Variants in REV1 observed in about 807,000 individuals in gnomAD.
The protein encoded by REV1 is REV1 DNA directed polymerase.
In REV1, 42 loss-of-function variants were observed where a neutral mutation model predicts 137.4. The observed-to-expected ratio is 0.31, with a 90% CI of 0.24 to 0.40. The LOEUF (loss-of-function observed/expected upper bound fraction) is 0.40. REV1 is among the 10% of genes least tolerant of loss of function. The pLI, the probability that REV1 is intolerant of heterozygous loss-of-function variation, is 1.00. For missense variants in REV1, 1,282 were observed against 1,490.1 expected, an observed-to-expected ratio of 0.86 and a Z score of 2.30; for synonymous variants, 524 against 519.2, an observed-to-expected ratio of 1.01 and a Z score of -0.12.
intron 6 of REV1, among the ~76,000 whole-genome samples, chr2:99,438,064 GCTA>G (rs1020694777): frequency 1.3e-5 from 2 of 152,140 alleles, no homozygotes; most frequent in Non-Finnish European, 2.9e-5. Context: ...AAAACAGTAT[GCTA>G]CTGTGTGTGC....
chr2:99,421,645 T>C lies in REV1; in HGVS notation c.1685A>G (p.His562Arg), dbSNP rs1678688581. Reference protein sequence around the residue: ...TLYETLASYTHNIEAVSCDEA... With the variant: ...TLYETLASYTRNIEAVSCDEA... ...ATCACAACTGACAGCTTCAATGTTA[T>C]GAGTGTAGCTATCAACACAGAGCAA... is the stretch of plus-strand genomic sequence containing the variant. The change falls in exon 11 of 23, where the codon CAT (histidine) becomes CGT (arginine). Residue 562 changes from histidine (H) to arginine (R), a missense_variant. By Grantham distance (29) the His-to-Arg change is conservative. This residue lies in a region of REV1 where 372 missense variants were observed against 482.3 expected (regional missense o/e 0.77). Transcript: ENST00000258428. 1.9e-6 allele frequency: 3 copies of C among 1,613,846 alleles called. No individual in the cohort carries two copies. Among genetic ancestry groups the C allele is most frequent in the East Asian group, 2.2e-5 (1 of 44,880 alleles).
At chr2:99,414,307 T>C (rs1677563488) in intron 12 of REV1, among the ~76,000 whole-genome samples, 1 of 152,218 alleles carries the variant, frequency 6.6e-6, no homozygotes, top group Non-Finnish European at 1.5e-5. Flanking sequence ...AAGTCATCAA[T>C]GTGGGTCAGA....
Position 99,435,904 on chromosome 2 carries a change from G to A in REV1, c.1251C>T (p.Ser417=). ...MSVLNSPRHQ[S]CIMHVDMDCF... ...AATCCATATCAACATGCATTATACA[G>A]CTCTGATGTCTGGGAGAATTCAATA... The change falls in exon 7 of 23, where the codon AGC becomes AGT. Residue 417 remains serine, a synonymous_variant. Coordinates refer to ENST00000258428, the MANE Select transcript of REV1 (RefSeq NM_016316.4). 6.2e-7 allele frequency: 1 copy of A among 1,607,264 alleles called. No individual in the cohort carries two copies. The highest frequency in any genetic ancestry group is 2.2e-5 in the East Asian group (1 of 44,678).
At chr2:99,480,046 G>A (rs1391971497) in intron 1 of REV1, among the ~76,000 whole-genome samples, 1 of 152,170 alleles carries the variant, frequency 6.6e-6, no homozygotes, top group Non-Finnish European at 1.5e-5. Flanking sequence ...AGGGCCGAGT[G>A]CAGTGGCTCA....
intron 2 of REV1, 168 bp from the exon 3 acceptor site, chr2:99,462,790 T>C: frequency 1.5e-6 from 1 of 665,782 alleles, no homozygotes. Context: ...AGGCAATAAA[T>C]AAAACAGGAA....
chr2:99,402,203 A>G (rs2104317801), intron 22 of REV1, 41 bp downstream of exon 22: 1 of 829,246 alleles, frequency 1.2e-6, no homozygotes, highest in Non-Finnish European at 2.0e-6. Flanking sequence ...CCATTGTGAC[A>G]TGCCATTTTT....
At chr2:99,446,385 A>C (rs1433569086) in intron 4 of REV1, among the ~76,000 whole-genome samples, 2 of 152,218 alleles carry the variant, frequency 1.3e-5, no homozygotes, top group African/African-American at 4.8e-5. Flanking sequence ...AAATCCATTA[A>C]AGTGAATTTT....
rs1201093766 is a variant in REV1, at chr2:99,406,371, G to C, written c.2568C>G (p.Phe856Leu). 1.9e-6 allele frequency: 3 copies of C among 1,613,396 alleles called. No individual in the cohort carries two copies. Among genetic ancestry groups the C allele is most frequent in the Non-Finnish European group, 2.5e-6 (3 of 1,179,628 alleles). The part of the protein sequence containing the change: ...PSGSYSVRDV[F>L]QVQKAKKSTE... The stretch of plus-strand genomic sequence containing the variant: ...TGGATTTCTTAGCTTTCTGAACTTG[G>C]AAGACATCACGGACAGAGTATGACC... Residue 856 changes from phenylalanine (F) to leucine (L), a missense_variant, in exon 16 of 23, where the codon TTC (phenylalanine) becomes TTG (leucine). Physicochemically the swap from Phe to Leu is conservative, Grantham distance 22 (BLOSUM62 0). Coordinates refer to ENST00000258428, the MANE Select transcript of REV1 (RefSeq NM_016316.4).
chr2:99,411,013 G>T, intron 13 of REV1, 146 bp from the exon 14 acceptor site: 4 of 677,046 alleles, frequency 5.9e-6, no homozygotes, highest in Non-Finnish European at 9.1e-6. Context: ...GTGGCCAGGC[G>T]CGGTGGCTCA....
At chr2:99,403,510 G>A in intron 19 of REV1, 185 bp downstream of exon 19, 1 of 779,860 alleles carries the variant, frequency 1.3e-6, no homozygotes, top group South Asian at 2.0e-5. Flanking sequence ...TGAAAGTACA[G>A]ACACAAATCC....
intron 9 of REV1, chr2:99,424,943 C>A: frequency 8.0e-7 from 1 of 1,245,828 alleles, no homozygotes. Context: ...TCTCAGTGCC[C>A]CACATTACCT....
Position 99,439,055 on chromosome 2 carries a change from A to T in REV1, c.759T>A (p.Leu253=). The change falls in exon 6 of 23, where the codon CTT becomes CTA. Residue 253 remains leucine (L), a synonymous_variant. Transcript: ENST00000258428. The part of the protein sequence containing the change: ...VPMVNSVASR[L]SPAFSQEEDK... ...CCTCCTCCTGGGAAAAGGCTGGAGA[A>T]AGCCTGCTGGCAACACTGTTGACCA... 1.9e-6 allele frequency: 3 copies of T among 1,614,156 alleles called. No individual in the cohort carries two copies. The highest frequency in any genetic ancestry group is 2.5e-6 in the Non-Finnish European group (3 of 1,180,008).
intron 1 of REV1, among the ~76,000 whole-genome samples, chr2:99,480,566 T>C (rs1686506526): frequency 6.6e-6 from 1 of 152,220 alleles, no homozygotes. Context: ...GCAGAAGTCC[T>C]CACCTTGTGC....
chr2:99,464,559 G>A (rs951391742), intron 2 of REV1, among the ~76,000 whole-genome samples: 4 of 152,138 alleles, frequency 2.6e-5, no homozygotes, highest in Non-Finnish European at 5.9e-5. Flanking sequence ...GATATATAAA[G>A]CTGAATAATG....
intron 1 of REV1, among the ~76,000 whole-genome samples, chr2:99,478,969 G>C (rs747967220): frequency 6.6e-6 from 1 of 152,158 alleles, no homozygotes; most frequent in African/African-American, 2.4e-5. Flanking sequence ...ATGCTACAAC[G>C]TGTCCTAAGT....
intron 3 of REV1, among the ~76,000 whole-genome samples, chr2:99,459,515 G>C (rs1223809588): frequency 6.6e-6 from 1 of 152,158 alleles, no homozygotes; most frequent in Non-Finnish European, 1.5e-5. Context: ...AGATCAGCCT[G>C]GGAAACACAG....
At chr2:99,409,864 C>T (rs1023924734) in intron 14 of REV1, among the ~76,000 whole-genome samples, 1 of 135,156 alleles carries the variant, frequency 7.4e-6, no homozygotes, top group Non-Finnish European at 1.6e-5. Context: ...CCCCCCCCCC[C>T]CCCAAAAAAA....
rs1559282909 is a variant in REV1, at chr2:99,406,033, T to G, written c.2688A>C (p.Ala896=). ...RTCTFLPPFP[A]HLPTSPDTNK... The stretch of plus-strand genomic sequence containing the variant: ...TAGTATCAGGACTGGTCGGCAGATG[T>G]GCAGGAAAAGGTGGCAAGAAAGTGC... Residue 896 remains alanine (A), a synonymous_variant, in exon 17 of 23, where the codon GCA becomes GCC. Coordinates refer to ENST00000258428, the MANE Select transcript of REV1 (RefSeq NM_016316.4). The G allele has an allele frequency of 6.2e-7, 1 of 1,613,950 alleles. No homozygotes were observed. The highest frequency in any genetic ancestry group is 1.3e-5 in the African/African-American group (1 of 74,918).
At position 99,402,935 on chromosome 2, in the gene REV1, A is replaced by G. The variant is rs1675682201; in HGVS notation, c.3338T>C (p.Ile1113Thr). 2 of 1,614,164 alleles carry G rather than the reference A, an allele frequency of 1.2e-6. No individual in the cohort carries two copies. The highest frequency in any genetic ancestry group is 1.7e-6 in the Non-Finnish European group (2 of 1,180,032). Reference protein sequence around the residue: ...PGACGSPQKLIDGFLKHEGPP... With the variant: ...PGACGSPQKLTDGFLKHEGPP... ...TCCTTCATGTTTTAGAAACCCATCA[A>G]TTAACTTCTGGGGACTGCCACAGGC... Residue 1113 changes from isoleucine (I) to threonine (T), a missense_variant, in exon 20 of 23, where the codon ATT becomes ACT. Transcript: ENST00000258428.
Sources: gnomAD v4.1 joint callset for allele counts (sites outside exome capture counted in the v4.1 genomes callset) on GRCh38, gnomAD v4.1.1 for gene constraint, gnomAD v4.1.1 regional missense constraint, MANE v1.5 for transcripts, NCBI Gene and HGNC (gene_info 2026-07-23, HGNC 2026-07-21) for gene names.